The following UBAP1 variants were observed in gnomAD, a reference collection of about 807,000 sequenced individuals.
UBAP1 encodes ubiquitin-associated protein 1.
In UBAP1, 5 loss-of-function variants were observed where a neutral mutation model predicts 39.0. That is an observed-to-expected ratio of 0.13 (90% CI 0.07 to 0.27). UBAP1 has a LOEUF of 0.27. Ranked by LOEUF, UBAP1 falls within the 10% of genes least tolerant of loss-of-function variation. The probability of loss-of-function intolerance (pLI) is 1.00; values close to 1 mark genes in which losing one functional copy is unlikely to be tolerated. For synonymous variants in UBAP1, 211 were observed against 225.1 expected, an observed-to-expected ratio of 0.94 and a Z score of 0.56; for missense variants, 490 against 608.1, an observed-to-expected ratio of 0.81 and a Z score of 2.04.
chr9:34,197,158 C>G (rs1177909248), intron 1 of UBAP1, among the ~76,000 whole-genome samples: 1 of 152,010 alleles, frequency 6.6e-6, no homozygotes, highest in African/African-American at 2.4e-5. Context: ...GAACTCTTGA[C>G]CTTGTGATCC....
chr9:34,190,139 C>G (rs972279054), intron 1 of UBAP1, among the ~76,000 whole-genome samples: 1 of 152,088 alleles, frequency 6.6e-6, no homozygotes, highest in African/African-American at 2.4e-5. Context: ...CACAAGTTTA[C>G]CTATGTAACA....
chr9:34,215,141 AAAG>A (rs1791623247), intron 1 of UBAP1, among the ~76,000 whole-genome samples: 1 of 152,164 alleles, frequency 6.6e-6, no homozygotes, highest in African/African-American at 2.4e-5. Flanking sequence ...ACCCAGAGGA[AAAG>A]AAGTCATTTG....
intron 1 of UBAP1, among the ~76,000 whole-genome samples, chr9:34,195,449 A>G (rs1444576761): frequency 6.6e-6 from 1 of 152,100 alleles, no homozygotes; most frequent in Non-Finnish European, 1.5e-5. Flanking sequence ...GTCCATGTCT[A>G]TATTTGGACC....
chr9:34,211,999 C>A, intron 1 of UBAP1: 1 of 428,910 alleles, frequency 2.3e-6, no homozygotes, highest in Non-Finnish European at 4.7e-6. Context: ...TGTAAAAGTT[C>A]TTGAATTATG....
At chr9:34,231,646 T>G (rs893543854) in intron 2 of UBAP1, among the ~76,000 whole-genome samples, 130 of 117,550 alleles carry the variant, frequency 1.1e-3, no homozygotes, top group African/African-American at 3.1e-3. Flanking sequence ...GTTTTTTTTT[T>G]TTGTTTGTTT....
intron 1 of UBAP1, among the ~76,000 whole-genome samples, chr9:34,214,750 A>C (rs1444062736): frequency 1.3e-5 from 2 of 152,228 alleles, no homozygotes; most frequent in African/African-American, 2.4e-5. Context: ...CATCTGACAA[A>C]GGACTGATAT....
Position 34,241,604 on chromosome 9 carries a change from T to C in UBAP1, c.579T>C (p.Ala193=), listed in dbSNP as rs1464095213. 9 of 1,614,012 alleles carry C rather than the reference T, an allele frequency of 5.6e-6. No individual in the cohort carries two copies. Among genetic ancestry groups the C allele is most frequent in the Non-Finnish European group, 7.6e-6 (9 of 1,180,010 alleles). Residue 193 remains alanine, a synonymous_variant, in exon 4 of 7, where the codon GCT becomes GCC. Coordinates refer to ENST00000297661, the MANE Select transcript of UBAP1 (RefSeq NM_016525.5). ...ILVGTTGPIM[A]QLLDNNLPRG... Reference sequence around the variant, plus strand: ...TAGGAACCACTGGACCCATTATGGCTCAGTTATTGGACAATAACTTGCCCA... The same window carrying C: ...TAGGAACCACTGGACCCATTATGGCCCAGTTATTGGACAATAACTTGCCCA...
chr9:34,215,213 G>A (rs576722477), intron 1 of UBAP1, among the ~76,000 whole-genome samples: 1 of 152,066 alleles, frequency 6.6e-6, no homozygotes, highest in East Asian at 1.9e-4. Context: ...TAAAATCATG[G>A]AAGCAACCCA....
intron 4 of UBAP1, among the ~76,000 whole-genome samples, chr9:34,243,922 T>C (rs1258815214): frequency 6.6e-6 from 1 of 152,216 alleles, no homozygotes; most frequent in African/African-American, 2.4e-5. Context: ...TGATTTTGGC[T>C]CACTGCAACC....
chr9:34,209,794 C>A (rs1297093338), intron 1 of UBAP1, among the ~76,000 whole-genome samples: 1 of 151,798 alleles, frequency 6.6e-6, no homozygotes, highest in African/African-American at 2.4e-5. Context: ...TTGTTGCATA[C>A]CAGTTTTTTT....
intron 2 of UBAP1, among the ~76,000 whole-genome samples, chr9:34,221,619 C>A (rs1023161554): frequency 6.6e-6 from 1 of 151,712 alleles, no homozygotes; most frequent in Admixed American, 6.6e-5. Flanking sequence ...AAAATTCTAA[C>A]CCTTTGGTTA....
chr9:34,239,126 C>A (rs1833839322), intron 3 of UBAP1, among the ~76,000 whole-genome samples: 2 of 152,238 alleles, frequency 1.3e-5, no homozygotes, highest in South Asian at 2.1e-4. Context: ...CTCACTGCAA[C>A]CTCCACCTCC....
chr9:34,195,933 T>G (rs1200356731), intron 1 of UBAP1, among the ~76,000 whole-genome samples: 4 of 47,810 alleles, frequency 8.4e-5, no homozygotes, highest in African/African-American at 1.9e-4. Context: ...TTTGGTTTTT[T>G]TTTTTTTTTT....
chr9:34,207,141 T>C (rs1356968407), intron 1 of UBAP1, among the ~76,000 whole-genome samples: 1 of 138,636 alleles, frequency 7.2e-6, no homozygotes, highest in Non-Finnish European at 1.5e-5. Flanking sequence ...AACCTCTGCC[T>C]CCCAGGTTTA....
intron 1 of UBAP1, among the ~76,000 whole-genome samples, chr9:34,216,456 C>T (rs1832320215): frequency 2.0e-5 from 3 of 152,054 alleles, no homozygotes; most frequent in Admixed American, 2.0e-4. Context: ...AATGGCATCA[C>T]ACAATATTTG....
chr9:34,208,166 A>G (rs576840417), intron 1 of UBAP1, among the ~76,000 whole-genome samples: 19 of 152,058 alleles, frequency 1.2e-4, no homozygotes, highest in Non-Finnish European at 2.2e-4. Context: ...TATGCAAAAA[A>G]TCTCACTTGG....
chr9:34,182,616 C>T (rs200088410), intron 1 of UBAP1, among the ~76,000 whole-genome samples: 48 of 110,572 alleles, frequency 4.3e-4, no homozygotes, highest in Admixed American at 7.8e-4. Flanking sequence ...TCTTTCTTTC[C>T]TTCTTTCTTT....
At position 34,241,937 on chromosome 9, in the gene UBAP1, T is replaced by C; in HGVS notation, c.912T>C (p.Pro304=). Residue 304 remains proline (P), a synonymous_variant, in exon 4 of 7, where the codon CCT becomes CCC. Coordinates refer to ENST00000297661, the MANE Select transcript of UBAP1 (RefSeq NM_016525.5). ...RNGTFQNSLK[P]STQSSASELN... is the part of the protein sequence containing the mutation. ...GCACGTTCCAGAATTCCCTAAAGCC[T>C]TCCACCCAAAGCAGTGCCAGTGAGC... 3.7e-6 allele frequency: 6 copies of C among 1,614,186 alleles called. No homozygotes were observed. Among genetic ancestry groups the C allele is most frequent in the Non-Finnish European group, 5.1e-6 (6 of 1,180,038 alleles).
intron 1 of UBAP1, among the ~76,000 whole-genome samples, chr9:34,210,699 G>A (rs1466618684): frequency 6.7e-6 from 1 of 149,550 alleles, no homozygotes; most frequent in Non-Finnish European, 1.5e-5. Flanking sequence ...CAGCCTGAGT[G>A]ACAGAGGGAG....
Sources: allele counts gnomAD v4.1 joint callset (sites outside exome capture counted in the v4.1 genomes callset), GRCh38; gene constraint gnomAD v4.1.1; transcripts MANE v1.5; gene names NCBI Gene and HGNC (gene_info 2026-07-23, HGNC 2026-07-21).